ADAM10: variants seen among roughly 807,000 people sequenced by gnomAD.
The protein encoded by ADAM10 is ADAM metallopeptidase domain 10, also known as disintegrin and metalloproteinase domain-containing protein 10.
In ADAM10, 17 loss-of-function variants were observed where a neutral mutation model predicts 90.1. The ratio of observed to expected loss-of-function variants is 0.19; its 90% CI spans 0.13 to 0.28. ADAM10 has a LOEUF of 0.28. Among genes scored for constraint, ADAM10 ranks in the 10% least tolerant of loss-of-function variants. The pLI, the probability that ADAM10 is intolerant of heterozygous loss-of-function variation, is 1.00. For missense variants in ADAM10, 610 were observed against 914.3 expected, an observed-to-expected ratio of 0.67 and a Z score of 4.29; for synonymous variants, 310 against 298.6, an observed-to-expected ratio of 1.04 and a Z score of -0.40.
chr15:58,605,138 G>T (rs989238185), intron 14 of ADAM10, among the ~76,000 whole-genome samples: 7 of 152,178 alleles, frequency 4.6e-5, no homozygotes, highest in Admixed American at 3.3e-4. Flanking sequence ...TAAAACTGTA[G>T]AAAACAAAGG....
At chr15:58,626,780 G>C (rs372181375) in intron 10 of ADAM10, among the ~76,000 whole-genome samples, 4 of 152,154 alleles carry the variant, frequency 2.6e-5, no homozygotes, top group Non-Finnish European at 5.9e-5. Context: ...ACAGAAAGTG[G>C]ATTAGAGGTT....
At chr15:58,631,519 G>T (rs1343548529) in intron 9 of ADAM10, among the ~76,000 whole-genome samples, 1 of 152,184 alleles carries the variant, frequency 6.6e-6, no homozygotes, top group Non-Finnish European at 1.5e-5. Flanking sequence ...ACCAGCAGCA[G>T]CAGCAGCAGC....
chr15:58,691,544 C>T (rs1268185398), intron 2 of ADAM10: 4 of 539,750 alleles, frequency 7.4e-6, no homozygotes, highest in Middle Eastern at 5.8e-4. Flanking sequence ...GCAGTTCAGA[C>T]AGGTGTCGCC....
Position 58,589,678 on chromosome 15 carries a change from TGAG to T in ADAM10, c.*7866_*7868del, listed in dbSNP as rs1271940864. 1.3e-5 allele frequency: 2 copies of T among 152,170 alleles called. No homozygotes were observed. Among genetic ancestry groups the T allele is most frequent in the African/African-American group, 4.8e-5 (2 of 41,426 alleles). The allele number at this position is 152,170 out of a possible 1,614,324, so 9.4% of individuals were successfully genotyped here. A position where few individuals can be genotyped will look rare whatever the true frequency, so the allele number is the denominator to read the frequency against. On this transcript the variant is annotated 3_prime_UTR_variant, in exon 16 of 16. Coordinates refer to ENST00000260408, the MANE Select transcript of ADAM10 (RefSeq NM_001110.4). ...GATTCTCTCGAAAGTTTGGCTTAGA[TGAG>T]GCAGGATTATATTGTAATATGGTGT...
chr15:58,688,250 G>T (rs1253052535), intron 2 of ADAM10, among the ~76,000 whole-genome samples: 1 of 152,020 alleles, frequency 6.6e-6, no homozygotes, highest in Non-Finnish European at 1.5e-5. Context: ...AGACACAGGT[G>T]GGCACAGTGG....
At chr15:58,643,374 T>A (rs1243505937) in intron 7 of ADAM10, among the ~76,000 whole-genome samples, 3 of 152,190 alleles carry the variant, frequency 2.0e-5, no homozygotes, top group Non-Finnish European at 4.4e-5. Context: ...CTGAAAGACT[T>A]CTCAAAACTT....
chr15:58,695,351 T>G lies in ADAM10; in HGVS notation c.207-13037A>C, dbSNP rs1897946070. On this transcript the variant is annotated intron_variant, in intron 2 of 15. Coordinates refer to ENST00000260408, the MANE Select transcript of ADAM10 (RefSeq NM_001110.4). The stretch of plus-strand genomic sequence containing the variant: ...ACAAGTATCCTGCCTCAACTTTTGC[T>G]GCCTATCATGTATTTTCATAAAATT... 3.9e-5 allele frequency among the ~76,000 whole-genome samples: 6 copies of G among 152,240 alleles called. No individual in the cohort carries two copies. In the South Asian group the frequency reaches 1.2e-3, roughly 31 times the overall value.
At chr15:58,605,991 A>G (rs1216951076) in intron 14 of ADAM10, among the ~76,000 whole-genome samples, 1 of 152,230 alleles carries the variant, frequency 6.6e-6, no homozygotes, top group Non-Finnish European at 1.5e-5. Context: ...CAGGGAAGAC[A>G]TGCACTCAAG....
chr15:58,601,369 G>A (rs1595981184), intron 14 of ADAM10, among the ~76,000 whole-genome samples: 1 of 152,106 alleles, frequency 6.6e-6, no homozygotes, highest in Admixed American at 6.5e-5. Context: ...GCTGAGGGGG[G>A]AGAATCGCTT....
intron 4 of ADAM10, among the ~76,000 whole-genome samples, chr15:58,675,184 G>GTA (rs1566990213): frequency 6.6e-6 from 1 of 152,060 alleles, no homozygotes; most frequent in Non-Finnish European, 1.5e-5. Context: ...GGCGACGGAG[G>GTA]TATAGGCAAA....
intron 5 of ADAM10, among the ~76,000 whole-genome samples, chr15:58,646,932 A>G (rs78489903): frequency 0.045 from 6,920 of 152,102 alleles, 200 homozygotes; most frequent in East Asian, 0.13. Context: ...TTTCTTTCCA[A>G]TCCTCCACAC....
intron 4 of ADAM10, among the ~76,000 whole-genome samples, chr15:58,677,262 G>C (rs1477050804): frequency 1.3e-5 from 2 of 152,014 alleles, no homozygotes; most frequent in African/African-American, 4.8e-5. Context: ...CTACTGATAT[G>C]TAATAATAAA....
intron 14 of ADAM10, among the ~76,000 whole-genome samples, chr15:58,601,185 G>A (rs529696455): frequency 1.4e-4 from 21 of 152,196 alleles, no homozygotes; most frequent in Admixed American, 2.0e-4. Flanking sequence ...ACCTGAGGCC[G>A]GGCACGGTGG....
At chr15:58,680,416 C>T (rs2140752611) in intron 3 of ADAM10, among the ~76,000 whole-genome samples, 1 of 152,246 alleles carries the variant, frequency 6.6e-6, no homozygotes, top group South Asian at 2.1e-4. Flanking sequence ...AGTCACCACG[C>T]CCAGCCTATA....
chr15:58,744,504 T>C (rs1260185149), intron 1 of ADAM10, among the ~76,000 whole-genome samples: 4 of 152,046 alleles, frequency 2.6e-5, no homozygotes, highest in Non-Finnish European at 5.9e-5. Flanking sequence ...AAATCCACAA[T>C]CATCTAGAAT....
intron 2 of ADAM10, among the ~76,000 whole-genome samples, chr15:58,716,717 G>C (rs1199325760): frequency 6.6e-6 from 1 of 152,208 alleles, no homozygotes; most frequent in Admixed American, 6.5e-5. Context: ...CATAGCAGTA[G>C]AATAGCTTTA....
intron 5 of ADAM10, among the ~76,000 whole-genome samples, chr15:58,646,841 C>G (rs1696174771): frequency 6.6e-6 from 1 of 152,174 alleles, no homozygotes; most frequent in Non-Finnish European, 1.5e-5. Flanking sequence ...CTTAACTATC[C>G]AGCTTTTCTC....
intron 1 of ADAM10, 131 bp downstream of exon 1, chr15:58,749,349 C>T: frequency 8.6e-7 from 1 of 1,160,600 alleles, no homozygotes; most frequent in Non-Finnish European, 1.1e-6. Flanking sequence ...GGAGCGCGGC[C>T]CGCCAGAGTG....
At chr15:58,676,311 T>C (rs551025363) in intron 4 of ADAM10, 190 of 455,656 alleles carry the variant, frequency 4.2e-4, no homozygotes, top group African/African-American at 3.6e-3. Flanking sequence ...GTGGGAATAA[T>C]AGGTGTGCCA....
Sources: gnomAD v4.1 joint callset for allele counts (sites outside exome capture counted in the v4.1 genomes callset) on GRCh38, gnomAD v4.1.1 for gene constraint, MANE v1.5 for transcripts, NCBI Gene and HGNC (gene_info 2026-07-23, HGNC 2026-07-21) for gene names.